The following ME3 variants were observed in gnomAD, a reference collection of about 807,000 sequenced individuals.
ME3 encodes the protein malic enzyme 3.
Under a neutral mutation model 68.9 loss-of-function variants are expected in ME3, and 48 were observed. The observed-to-expected ratio is 0.70, with a 90% CI of 0.55 to 0.89. The LOEUF (loss-of-function observed/expected upper bound fraction) is 0.89, where lower values mean the gene tolerates loss of function less well. Ranked by LOEUF, ME3 falls within the 40% of genes least tolerant of loss-of-function variation. ME3 has a pLI of 0.00. For missense variants in ME3, 675 were observed against 797.4 expected (o/e 0.85, Z 1.85); for synonymous variants, 320 against 318.8 (o/e 1.00, Z -0.04).
chr11:86,481,700 C>T (rs1468728057), intron 7 of ME3, among the ~76,000 whole-genome samples: 2 of 152,150 alleles, frequency 1.3e-5, no homozygotes, highest in African/African-American at 4.8e-5. Context: ...TTGAAATATC[C>T]TGAACACCTG....
At chr11:86,610,000 A>G (rs142861809) in intron 2 of ME3, among the ~76,000 whole-genome samples, 2 of 152,350 alleles carry the variant, frequency 1.3e-5, no homozygotes, top group Non-Finnish European at 2.9e-5. Flanking sequence ...TCAAGGGTAT[A>G]AACTATCATC....
intron 2 of ME3, among the ~76,000 whole-genome samples, chr11:86,650,831 A>G (rs1945358832): frequency 6.6e-6 from 1 of 152,192 alleles, no homozygotes; most frequent in Non-Finnish European, 1.5e-5. Flanking sequence ...GGGTCAGGGA[A>G]TTCCCTCTCC....
At chr11:86,470,469 A>G (rs1028718861) in intron 7 of ME3, among the ~76,000 whole-genome samples, 15 of 152,120 alleles carry the variant, frequency 9.9e-5, no homozygotes, top group Admixed American at 5.2e-4. Context: ...ATTCCATTAA[A>G]CTCTAGTCCC....
intron 2 of ME3, among the ~76,000 whole-genome samples, chr11:86,583,919 G>C (rs924906887): frequency 6.6e-6 from 1 of 152,084 alleles, no homozygotes; most frequent in African/African-American, 2.4e-5. Context: ...TGATTTTATA[G>C]ATACAATATC....
intron 2 of ME3, among the ~76,000 whole-genome samples, chr11:86,629,860 T>C (rs1410955731): frequency 6.6e-6 from 1 of 152,156 alleles, no homozygotes. Flanking sequence ...TGAGAACTTG[T>C]GATTGAAATT....
At chr11:86,665,941 A>T (rs750709578) in intron 2 of ME3, among the ~76,000 whole-genome samples, 5 of 152,192 alleles carry the variant, frequency 3.3e-5, no homozygotes, top group African/African-American at 4.8e-5. Flanking sequence ...TTCTTGCATA[A>T]TCTAGATATG....
At chr11:86,573,424 T>C (rs1031514887) in intron 2 of ME3, among the ~76,000 whole-genome samples, 3 of 131,324 alleles carry the variant, frequency 2.3e-5, no homozygotes, top group African/African-American at 7.9e-5. Flanking sequence ...TTTTACATTT[T>C]AGTCTTTTTT....
intron 6 of ME3, among the ~76,000 whole-genome samples, chr11:86,496,893 A>G (rs1405003821): frequency 6.6e-6 from 1 of 152,114 alleles, no homozygotes; most frequent in Non-Finnish European, 1.5e-5. Context: ...GGAAAAAAAA[A>G]AGGCTGGGGA....
chr11:86,544,818 G>A lies in ME3; in HGVS notation c.467+11735C>T, dbSNP rs138688570. ...CCCTAACTCATTTTATGAGGCCAGC[G>A]TCATCCTGATACCAAAACCTGGCAA... On this transcript the variant is annotated intron_variant, in intron 4 of 14. Coordinates refer to ENST00000543262, the Ensembl canonical transcript of ME3. 2.3e-4 allele frequency among the ~76,000 whole-genome samples: 35 copies of A among 152,196 alleles called. No individual in the cohort carries two copies. In the East Asian group the frequency reaches 3.9e-3, roughly 17 times the overall value.
chr11:86,566,857 C>T (rs1024071124), intron 2 of ME3, among the ~76,000 whole-genome samples: 16 of 152,066 alleles, frequency 1.1e-4, no homozygotes, highest in South Asian at 2.1e-4. Flanking sequence ...CCTCCCAGGA[C>T]GTTGGTGAGA....
At chr11:86,522,056 C>G (rs761202097) in intron 4 of ME3, among the ~76,000 whole-genome samples, 6 of 152,168 alleles carry the variant, frequency 3.9e-5, no homozygotes, top group African/African-American at 1.4e-4. Flanking sequence ...TTGAGACAAG[C>G]CTGGCCAACA....
At chr11:86,531,479 C>G (rs1594323426) in intron 4 of ME3, among the ~76,000 whole-genome samples, 1 of 152,298 alleles carries the variant, frequency 6.6e-6, no homozygotes. Context: ...TACCACTTGA[C>G]CCAGGCATCC....
chr11:86,563,667 G>A (rs1225276936), intron 2 of ME3, among the ~76,000 whole-genome samples: 1 of 152,052 alleles, frequency 6.6e-6, no homozygotes, highest in African/African-American at 2.4e-5. Flanking sequence ...TTTTGCATAT[G>A]GCTAGCCAGT....
At chr11:86,460,631 A>ACG (rs1950183740) in intron 8 of ME3, among the ~76,000 whole-genome samples, 1 of 152,126 alleles carries the variant, frequency 6.6e-6, no homozygotes, top group Non-Finnish European at 1.5e-5. Flanking sequence ...TCCAGCTCCC[A>ACG]CGTGTGGTGT....
intron 4 of ME3, among the ~76,000 whole-genome samples, chr11:86,512,798 A>C (rs1953637544): frequency 6.6e-6 from 1 of 152,212 alleles, no homozygotes; most frequent in Admixed American, 6.5e-5. Context: ...ATAAGGTTTG[A>C]GAGCAAGGTC....
chr11:86,605,860 T>C (rs887783569), intron 2 of ME3, among the ~76,000 whole-genome samples: 21 of 152,132 alleles, frequency 1.4e-4, no homozygotes, highest in Admixed American at 3.9e-4. Context: ...TTTTCCACTT[T>C]AAACCCCTGC....
At chr11:86,585,049 G>A (rs991063515) in intron 2 of ME3, among the ~76,000 whole-genome samples, 1 of 152,112 alleles carries the variant, frequency 6.6e-6, no homozygotes. Context: ...CTCGGGGTAG[G>A]GGTGGTGTTG....
chr11:86,534,605 G>T (rs1169678717), intron 4 of ME3, among the ~76,000 whole-genome samples: 1 of 152,062 alleles, frequency 6.6e-6, no homozygotes, highest in Non-Finnish European at 1.5e-5. Context: ...AACCTATGAG[G>T]TGGAGGTTGC....
intron 2 of ME3, among the ~76,000 whole-genome samples, chr11:86,574,332 A>G (rs12364541): frequency 0.27 from 36,476 of 136,660 alleles, 5,256 homozygotes; most frequent in Middle Eastern, 0.41. Flanking sequence ...GTTTTTCCTC[A>G]TCTTCCCGGA....
Sources: allele counts gnomAD v4.1 joint callset (sites outside exome capture counted in the v4.1 genomes callset), GRCh38; gene constraint gnomAD v4.1.1; transcripts MANE v1.5; gene names NCBI Gene and HGNC (gene_info 2026-07-23, HGNC 2026-07-21).